CPNE5: variants seen among roughly 807,000 people sequenced by gnomAD.
The protein encoded by CPNE5 is copine-5.
Under a neutral mutation model 81.1 loss-of-function variants are expected in CPNE5, and 42 were observed. The observed-to-expected ratio is 0.52, with a 90% CI of 0.40 to 0.67. The LOEUF (loss-of-function observed/expected upper bound fraction) is 0.67. Among genes scored for constraint, CPNE5 ranks in the 30% least tolerant of loss-of-function variants. The pLI is 0.00. For synonymous variants in CPNE5, 313 were observed against 321.5 expected (o/e 0.97, Z 0.28); for missense variants, 612 against 815.5 (o/e 0.75, Z 3.04).
intron 3 of CPNE5, among the ~76,000 whole-genome samples, chr6:36,819,784 A>G (rs1191790667): frequency 2.0e-5 from 3 of 152,066 alleles, no homozygotes; most frequent in Non-Finnish European, 4.4e-5. Flanking sequence ...TGGAGACCCC[A>G]GGCGGAGTCT....
chr6:36,794,404 G>GCC (rs1769378288), intron 7 of CPNE5, among the ~76,000 whole-genome samples, 186 bp downstream of exon 7: 1 of 152,182 alleles, frequency 6.6e-6, no homozygotes, highest in South Asian at 2.1e-4. Flanking sequence ...CCACTGCCGA[G>GCC]TGGGGGCCTC....
intron 6 of CPNE5, among the ~76,000 whole-genome samples, chr6:36,795,161 A>T (rs1239599440): frequency 2.6e-5 from 4 of 152,136 alleles, no homozygotes; most frequent in African/African-American, 9.7e-5. Flanking sequence ...TTGGAAATAG[A>T]GTCTTTTTTA....
At chr6:36,765,493 A>G in intron 10 of CPNE5, 117 bp from the exon 11 acceptor site, 6 of 1,229,760 alleles carry the variant, frequency 4.9e-6, no homozygotes, top group Non-Finnish European at 5.8e-6. Flanking sequence ...TCTGGGCCCC[A>G]GGGCCCTGGG....
upstream of CPNE5, chr6:36,839,448 G>T: frequency 7.6e-7 from 1 of 1,314,850 alleles, no homozygotes; most frequent in Non-Finnish European, 1.0e-6. This position sits in a 1 kb window ranked among gnomAD's most constrained non-coding sequence, Gnocchi z 7.3. Flanking sequence ...AGCGACTGGA[G>T]CCCTGGGCTC....
chr6:36,831,434 AC>A (rs1210520907), intron 1 of CPNE5, among the ~76,000 whole-genome samples: 1 of 151,512 alleles, frequency 6.6e-6, no homozygotes, highest in Non-Finnish European at 1.5e-5. Flanking sequence ...GCTCACTGCA[AC>A]CTCCGCCTCC....
chr6:36,798,045 C>T (rs905435654), intron 6 of CPNE5, 120 bp downstream of exon 6: 3 of 732,806 alleles, frequency 4.1e-6, no homozygotes, highest in African/African-American at 1.8e-5. Context: ...CTCTTTATTC[C>T]TAATAACCCT....
chr6:36,797,285 G>A (rs1462402243), intron 6 of CPNE5, among the ~76,000 whole-genome samples: 2 of 152,240 alleles, frequency 1.3e-5, no homozygotes, highest in South Asian at 2.1e-4. Flanking sequence ...TCCCTTTCCC[G>A]GCCGCTTTGC....
rs371013327 is a variant in CPNE5, at chr6:36,837,087, A to C, written c.95+2196T>G. 2.0e-5 allele frequency among the ~76,000 whole-genome samples: 3 copies of C among 152,248 alleles called. No homozygotes were observed. In the South Asian group the frequency reaches 6.2e-4, roughly 31 times the overall value. ...TTGGACATCTTTACTTCCAGAAAGC[A>C]AACAGGAGGGGCCAGGTGCTACCGC... On this transcript the variant is annotated intron_variant, in intron 1 of 20. Transcript: ENST00000244751.
rs1197513001 is a variant in CPNE5, at chr6:36,778,834, A to C, written c.632+20T>G. 7.3e-6 allele frequency: 11 copies of C among 1,511,536 alleles called. No individual in the cohort carries two copies. Among genetic ancestry groups the C allele is most frequent in the Non-Finnish European group, 9.2e-6 (10 of 1,088,600 alleles). 93.6% of individuals were successfully genotyped at this position (1,511,536 alleles called of 1,614,324 possible). On this transcript the variant is annotated intron_variant, in intron 9 of 20. Coordinates refer to ENST00000244751, the MANE Select transcript of CPNE5 (RefSeq NM_020939.2). Reference sequence around the variant, plus strand: ...AAGGGACGAGAAGGTGCAGTGCACAAGTGTCCCCAGAAAACTCACGTTCCA... The same window carrying C: ...AAGGGACGAGAAGGTGCAGTGCACACGTGTCCCCAGAAAACTCACGTTCCA...
rs548343849 is a variant in CPNE5 at position 36,758,381 on chromosome 6, C to A, written c.856-2083G>T. On this transcript the variant is annotated intron_variant, in intron 12 of 20. Transcript: ENST00000244751. Reference sequence around the variant, plus strand: ...GTGGCCTCAACCTCCCGGGCTCAAGCAATCCTTCCAGGTAGCTGCCACCAT... The same window carrying A: ...GTGGCCTCAACCTCCCGGGCTCAAGAAATCCTTCCAGGTAGCTGCCACCAT... Among the ~76,000 whole-genome samples the A allele has an allele frequency of 2.8e-3, 431 of 151,356 alleles. 1 individual carries two copies. The highest frequency in any genetic ancestry group is 9.6e-3 in the African/African-American group (393 of 41,148).
chr6:36,816,576 A>AT (rs949307770), intron 3 of CPNE5, among the ~76,000 whole-genome samples: 9 of 152,150 alleles, frequency 5.9e-5, no homozygotes, highest in African/African-American at 2.2e-4. Flanking sequence ...CAGAGAGGTG[A>AT]TTTGTTCCTG....
chr6:36,762,122 G>T (rs1024803576), intron 12 of CPNE5, among the ~76,000 whole-genome samples: 1 of 151,616 alleles, frequency 6.6e-6, no homozygotes, highest in Non-Finnish European at 1.5e-5. Context: ...GCATGGTGGT[G>T]CGTGCTTGTG....
At chr6:36,805,636 GA>G (rs1185841601) in intron 3 of CPNE5, among the ~76,000 whole-genome samples, 2 of 152,118 alleles carry the variant, frequency 1.3e-5, no homozygotes, top group African/African-American at 2.4e-5. Flanking sequence ...GGTGACAGGG[GA>G]CCTCCCTGGG....
intron 3 of CPNE5, among the ~76,000 whole-genome samples, chr6:36,813,011 C>T (rs1362647378): frequency 6.6e-6 from 1 of 152,236 alleles, no homozygotes; most frequent in East Asian, 1.9e-4. Flanking sequence ...CTAAATTGGG[C>T]TCAAGGCCAG....
intron 8 of CPNE5, among the ~76,000 whole-genome samples, chr6:36,784,801 T>C (rs1468520124): frequency 6.6e-6 from 1 of 151,632 alleles, no homozygotes; most frequent in Non-Finnish European, 1.5e-5. Flanking sequence ...AAAATAGCCA[T>C]GTGTGGTGGT....
In CPNE5 at chr6:36,823,148, C is replaced by T. The variant is rs41272190; in HGVS notation, c.96-50G>A. ...GTTAGCACGGCCAGCTGAGAGGAGG[C>T]GACCTCAGGGGATTCAGGCTGTTAC... is the stretch of plus-strand genomic sequence containing the variant. On this transcript the variant is annotated intron_variant, in intron 1 of 20. Coordinates refer to ENST00000244751, the MANE Select transcript of CPNE5 (RefSeq NM_020939.2). 13,863 of 1,461,952 alleles carry T rather than the reference C, an allele frequency of 9.5e-3. 313 individuals carry two copies. The highest frequency in any genetic ancestry group is 0.081 in the African/African-American group (5,721 of 70,368). 90.6% of individuals were successfully genotyped at this position (1,461,952 alleles called of 1,614,324 possible).
chr6:36,745,635 T>G (rs1582686092), intron 16 of CPNE5, 120 bp from the exon 17 acceptor site: 1 of 1,143,750 alleles, frequency 8.7e-7, no homozygotes. Context: ...TCTTCTCTGG[T>G]GTGGGGTGGC....
At chr6:36,777,000 C>T (rs1304347898) in intron 9 of CPNE5, among the ~76,000 whole-genome samples, 3 of 152,164 alleles carry the variant, frequency 2.0e-5, no homozygotes, top group Non-Finnish European at 4.4e-5. Flanking sequence ...TTCTTCAGTG[C>T]CCCACGGGAT....
chr6:36,815,229 T>C lies in CPNE5; in HGVS notation c.183+6885A>G, dbSNP rs1328501825. Among the ~76,000 whole-genome samples, 6 of 151,870 alleles carry C rather than the reference T, an allele frequency of 4.0e-5. No individual in the cohort carries two copies. In the South Asian group the frequency reaches 6.2e-4, roughly 16 times the overall value. On this transcript the variant is annotated intron_variant, in intron 3 of 20. Coordinates refer to ENST00000244751, the MANE Select transcript of CPNE5 (RefSeq NM_020939.2). Reference sequence around the variant, plus strand: ...CATTGCTGTCATGTGTTTGCCATTATCATTACTGTGATTGGTGTCATCTCC... The same window carrying C: ...CATTGCTGTCATGTGTTTGCCATTACCATTACTGTGATTGGTGTCATCTCC...
Sources: allele counts gnomAD v4.1 joint callset (sites outside exome capture counted in the v4.1 genomes callset), GRCh38; gene constraint gnomAD v4.1.1; non-coding constraint Gnocchi (gnomAD v3.1); transcripts MANE v1.5; gene names NCBI Gene and HGNC (gene_info 2026-07-23, HGNC 2026-07-21).